Variants in POLD3 observed in about 807,000 individuals in gnomAD.
The protein encoded by POLD3 is DNA polymerase delta 3, accessory subunit, also known as DNA polymerase delta subunit 3.
POLD3 carries 19 observed loss-of-function variants against 58.2 expected under a neutral mutation model. That is an observed-to-expected ratio of 0.33 (90% CI 0.23 to 0.48). The LOEUF (loss-of-function observed/expected upper bound fraction) is 0.48. Among genes scored for constraint, POLD3 ranks in the 20% least tolerant of loss-of-function variants. The pLI is 0.99. For synonymous variants in POLD3, 172 were observed against 193.5 expected (o/e 0.89, Z 0.92); for missense variants, 504 against 545.5 (o/e 0.92, Z 0.76).
At chr11:74,625,614 G>C (rs566618524) in intron 8 of POLD3, 41 bp downstream of exon 8, 19 of 1,547,606 alleles carry the variant, frequency 1.2e-5, no homozygotes, top group Non-Finnish European at 1.6e-5. Context: ...AGTCTTTACT[G>C]GGGGTGAGAA....
At chr11:74,617,548 C>T (rs548423568) in intron 5 of POLD3, among the ~76,000 whole-genome samples, 32 of 151,836 alleles carry the variant, frequency 2.1e-4, no homozygotes, top group Non-Finnish European at 3.8e-4. Flanking sequence ...ACTACAGGCG[C>T]GTGCCACCAC....
chr11:74,622,065 C>T (rs2032281246), intron 7 of POLD3, among the ~76,000 whole-genome samples: 1 of 149,312 alleles, frequency 6.7e-6, no homozygotes. Flanking sequence ...GTTCCCCTTC[C>T]TGTGTCCATG....
Position 74,642,852 on chromosome 11 carries a change from G to A in POLD3, c.*2086G>A. ...ATATTGTTAAAACTGCATACCCACA[G>A]TCTGAGATGAACAAGTTATTTGCTG... On this transcript the variant is annotated 3_prime_UTR_variant, in exon 12 of 12. Transcript: ENST00000263681. 2 of 985,256 alleles carry A rather than the reference G, an allele frequency of 2.0e-6. No homozygotes were observed. The highest frequency in any genetic ancestry group is 2.4e-6 in the Non-Finnish European group (2 of 829,782). 61.0% of individuals were successfully genotyped at this position (985,256 alleles called of 1,614,324 possible).
intron 3 of POLD3, among the ~76,000 whole-genome samples, chr11:74,607,244 ATATTTATTTATT>A (rs376369916): frequency 2.4e-5 from 3 of 123,434 alleles, no homozygotes; most frequent in Admixed American, 8.1e-5. Flanking sequence ...TTATTATTAT[ATATTTATTTATT>A]TATTTATTTA....
Position 74,600,732 on chromosome 11 carries a change from T to G in POLD3, c.117-3960T>G, listed in dbSNP as rs924052794. Among the ~76,000 whole-genome samples, 175 of 147,730 alleles carry G rather than the reference T, an allele frequency of 1.2e-3. 1 individual carries two copies. The highest frequency in any genetic ancestry group is 2.2e-3 in the Non-Finnish European group (146 of 66,596). ...TTCCTTTTTTTTTTTTTTTTTTTTT[T>G]TTGAGATAGGATTTTGCTCTTGTTG... is the stretch of plus-strand genomic sequence containing the variant. On this transcript the variant is annotated intron_variant, in intron 2 of 11. Coordinates refer to ENST00000263681, the MANE Select transcript of POLD3 (RefSeq NM_006591.3).
chr11:74,645,245 T>C (rs2032984836), downstream of POLD3, among the ~76,000 whole-genome samples: 4 of 152,244 alleles, frequency 2.6e-5, no homozygotes, highest in South Asian at 6.2e-4. Flanking sequence ...TTGGGTGTTA[T>C]TCAGCTATTT....
intron 4 of POLD3, among the ~76,000 whole-genome samples, chr11:74,666,822 G>C (rs1004314887): frequency 6.6e-6 from 1 of 152,004 alleles, no homozygotes; most frequent in African/African-American, 2.4e-5. Context: ...AATCCTTCTT[G>C]ATTTCAAAAC....
chr11:74,620,339 A>G (rs890970495), intron 7 of POLD3, among the ~76,000 whole-genome samples: 2 of 152,178 alleles, frequency 1.3e-5, no homozygotes, highest in Non-Finnish European at 2.9e-5. Flanking sequence ...CTGCCTTGAA[A>G]AGATAATGAA....
chr11:74,629,025 C>G, intron 8 of POLD3, 192 bp from the exon 9 acceptor site: 1 of 411,516 alleles, frequency 2.4e-6, no homozygotes, highest in Non-Finnish European at 4.3e-6. Flanking sequence ...ATTCAAGTCA[C>G]CTCATGAAGT....
chr11:74,655,658 CAA>C (rs11316500), intron 4 of POLD3, among the ~76,000 whole-genome samples: 59 of 133,436 alleles, frequency 4.4e-4, no homozygotes, highest in Admixed American at 5.2e-4. Flanking sequence ...TATATTTGAC[CAA>C]AAAAAAAAAA....
At chr11:74,616,438 C>T (rs775435290) in intron 5 of POLD3, among the ~76,000 whole-genome samples, 71 of 152,326 alleles carry the variant, frequency 4.7e-4, no homozygotes, top group Non-Finnish European at 8.1e-4. Context: ...TAGCCTAACT[C>T]GGTCTCTTCC....
chr11:74,611,375 A>G lies in POLD3; in HGVS notation c.220-124A>G, dbSNP rs2031905852. Reference sequence around the variant, plus strand: ...GTCTGACTTTATTAAATTATAACATATGTTTTAAGGAGTGCCTGGTGTTTT... The same window carrying G: ...GTCTGACTTTATTAAATTATAACATGTGTTTTAAGGAGTGCCTGGTGTTTT... On this transcript the variant is annotated intron_variant, in intron 3 of 11. Transcript: ENST00000263681. 6 of 620,448 alleles carry G rather than the reference A, an allele frequency of 9.7e-6. No individual in the cohort carries two copies. The South Asian group carries it at 1.1e-4, about 11-fold the overall frequency. The allele number at this position is 620,448 out of a possible 1,614,324, so 38.4% of individuals were successfully genotyped here. A position where few individuals can be genotyped will look rare whatever the true frequency, so the allele number is the denominator to read the frequency against.
intron 2 of POLD3, among the ~76,000 whole-genome samples, chr11:74,600,248 G>T (rs527498487): frequency 6.6e-6 from 1 of 152,138 alleles, no homozygotes; most frequent in East Asian, 1.9e-4. Flanking sequence ...CCAGCCTGTT[G>T]TCATTCTTAT....
intron 4 of POLD3, among the ~76,000 whole-genome samples, chr11:74,667,455 G>C (rs972436014): frequency 1.1e-4 from 16 of 152,162 alleles, no homozygotes; most frequent in East Asian, 5.8e-4. Flanking sequence ...GTGTGAACCC[G>C]GGGGGCGGAG....
chr11:74,594,000 G>T (rs1565108135), intron 1 of POLD3, 61 bp from the exon 2 acceptor site: 2 of 854,398 alleles, frequency 2.3e-6, no homozygotes, highest in Non-Finnish European at 4.0e-6. Context: ...CAGACCTTCG[G>T]GACTGATGTG....
At chr11:74,597,453 G>A (rs1430497452) in intron 2 of POLD3, among the ~76,000 whole-genome samples, 1 of 152,152 alleles carries the variant, frequency 6.6e-6, no homozygotes, top group Non-Finnish European at 1.5e-5. Context: ...TCGTGTGCTT[G>A]TTAGCATCAT....
At chr11:74,657,994 T>C (rs2033158397) in intron 4 of POLD3, among the ~76,000 whole-genome samples, 1 of 152,182 alleles carries the variant, frequency 6.6e-6, no homozygotes, top group African/African-American at 2.4e-5. Flanking sequence ...ATTAGATGCC[T>C]CAAGGTAGTC....
At chr11:74,655,051 A>G (rs2033116215) in intron 4 of POLD3, among the ~76,000 whole-genome samples, 1 of 152,376 alleles carries the variant, frequency 6.6e-6, no homozygotes, top group African/African-American at 2.4e-5. Flanking sequence ...GGTAGAGGAA[A>G]TGTGAGAGTG....
intron 4 of POLD3, among the ~76,000 whole-genome samples, chr11:74,667,452 C>G (rs917734352): frequency 6.6e-6 from 1 of 152,136 alleles, no homozygotes; most frequent in Non-Finnish European, 1.5e-5. Flanking sequence ...ATGGTGTGAA[C>G]CCGGGGGGCG....
Sources: allele counts gnomAD v4.1 joint callset (sites outside exome capture counted in the v4.1 genomes callset), GRCh38; gene constraint gnomAD v4.1.1; transcripts MANE v1.5; gene names NCBI Gene and HGNC (gene_info 2026-07-23, HGNC 2026-07-21).